Variants in CHCHD3 observed in about 807,000 individuals in gnomAD.
CHCHD3 encodes coiled-coil-helix-coiled-coil-helix domain containing 3, also known as MICOS complex subunit MIC19.
In CHCHD3, 20 loss-of-function variants were observed where a neutral mutation model predicts 38.2. The observed-to-expected ratio is 0.52, with a 90% confidence interval of 0.37 to 0.76. The LOEUF is 0.76. CHCHD3 is among the 30% of genes least tolerant of loss of function. CHCHD3 has a pLI of 0.00. For synonymous variants in CHCHD3, 82 were observed against 100.0 expected, an observed-to-expected ratio of 0.82 and a Z score of 1.07; for missense variants, 245 against 279.2, an observed-to-expected ratio of 0.88 and a Z score of 0.87.
intron 6 of CHCHD3, among the ~76,000 whole-genome samples, chr7:132,827,789 A>G (rs1229348695): frequency 3.3e-5 from 5 of 152,232 alleles, no homozygotes; most frequent in African/African-American, 7.2e-5. Flanking sequence ...ACTGTTTTGC[A>G]TCTGGCTTCT....
chr7:132,948,457 A>G (rs1810952480), intron 4 of CHCHD3, among the ~76,000 whole-genome samples: 1 of 152,126 alleles, frequency 6.6e-6, no homozygotes, highest in Non-Finnish European at 1.5e-5. Flanking sequence ...TATAGTAGAA[A>G]ACGTAACAGC....
chr7:132,915,122 G>C (rs188129629), intron 4 of CHCHD3, among the ~76,000 whole-genome samples: 10 of 150,494 alleles, frequency 6.6e-5, no homozygotes, highest in African/African-American at 2.5e-4. Context: ...CTAGGTGACA[G>C]AGCAGTACTC....
chr7:132,977,031 A>G (rs1224182137), intron 3 of CHCHD3, among the ~76,000 whole-genome samples: 1 of 152,254 alleles, frequency 6.6e-6, no homozygotes, highest in African/African-American at 2.4e-5. Flanking sequence ...CAATAAGCAC[A>G]ATGACACTCA....
At chr7:132,964,213 T>A (rs1447068339) in intron 4 of CHCHD3, among the ~76,000 whole-genome samples, 1 of 152,142 alleles carries the variant, frequency 6.6e-6, no homozygotes, top group African/African-American at 2.4e-5. Context: ...GATTAATGCT[T>A]CTTTATTATT....
intron 6 of CHCHD3, among the ~76,000 whole-genome samples, chr7:132,826,636 G>A (rs1324886472): frequency 3.9e-5 from 6 of 152,176 alleles, no homozygotes; most frequent in African/African-American, 1.2e-4. Context: ...GATGCTTGGC[G>A]ACACTAACAT....
At chr7:132,959,108 T>A (rs1441270112) in intron 4 of CHCHD3, among the ~76,000 whole-genome samples, 3 of 152,156 alleles carry the variant, frequency 2.0e-5, no homozygotes, top group Non-Finnish European at 2.9e-5. Context: ...CCATGCCAAA[T>A]GAGTGAAAAG....
intron 4 of CHCHD3, among the ~76,000 whole-genome samples, chr7:132,940,394 C>A (rs562491326): frequency 6.6e-6 from 1 of 152,242 alleles, no homozygotes; most frequent in South Asian, 2.1e-4. Context: ...TCTATATAAC[C>A]AAGGCCTATC....
chr7:132,942,993 C>G (rs903442222), intron 4 of CHCHD3, among the ~76,000 whole-genome samples: 2 of 151,756 alleles, frequency 1.3e-5, no homozygotes, highest in African/African-American at 4.8e-5. Flanking sequence ...GAACCCAAGC[C>G]AACAATGAGA....
At chr7:132,896,945 AG>A (rs2117194360) in intron 4 of CHCHD3, among the ~76,000 whole-genome samples, 1 of 152,314 alleles carries the variant, frequency 6.6e-6, no homozygotes, top group East Asian at 1.9e-4. Flanking sequence ...TAGAGCAGGA[AG>A]GGGTTTTTAC....
intron 4 of CHCHD3, among the ~76,000 whole-genome samples, chr7:132,927,416 T>C (rs1434269475): frequency 6.6e-6 from 1 of 152,214 alleles, no homozygotes; most frequent in Non-Finnish European, 1.5e-5. Context: ...CAATCTAGCA[T>C]ATCTGTAAAT....
intron 4 of CHCHD3, among the ~76,000 whole-genome samples, chr7:132,957,892 C>A (rs978419834): frequency 6.6e-6 from 1 of 152,214 alleles, no homozygotes; most frequent in Non-Finnish European, 1.5e-5. Context: ...TAAAGAATTA[C>A]TCTGGATGAA....
At chr7:132,841,416 AAAC>A (rs1351705093) in intron 5 of CHCHD3, among the ~76,000 whole-genome samples, 4 of 138,994 alleles carry the variant, frequency 2.9e-5, no homozygotes, top group East Asian at 2.0e-4. Flanking sequence ...AAAAAAAAAC[AAAC>A]AACAACAACA....
chr7:132,840,457 T>C (rs1807912652), intron 5 of CHCHD3, among the ~76,000 whole-genome samples: 1 of 152,240 alleles, frequency 6.6e-6, no homozygotes, highest in African/African-American at 2.4e-5. Context: ...AACTGTAATA[T>C]CTGGAGAGAG....
chr7:132,952,689 T>C (rs992138449), intron 4 of CHCHD3, among the ~76,000 whole-genome samples: 6 of 152,236 alleles, frequency 3.9e-5, no homozygotes, highest in African/African-American at 1.2e-4. Context: ...AAAAGTGTTA[T>C]AGTATTGTAG....
At chr7:132,950,462 G>A (rs1298776755) in intron 4 of CHCHD3, among the ~76,000 whole-genome samples, 1 of 152,082 alleles carries the variant, frequency 6.6e-6, no homozygotes, top group Non-Finnish European at 1.5e-5. Flanking sequence ...ACCAGTACTA[G>A]TAAAAATGGC....
At chr7:132,915,151 A>AG (rs1352507983) in intron 4 of CHCHD3, among the ~76,000 whole-genome samples, 2 of 151,734 alleles carry the variant, frequency 1.3e-5, no homozygotes, top group East Asian at 3.9e-4. Flanking sequence ...AAAAAAAAAA[A>AG]CCAAATCAAC....
At chr7:132,956,235 T>C (rs929143238) in intron 4 of CHCHD3, among the ~76,000 whole-genome samples, 4 of 152,234 alleles carry the variant, frequency 2.6e-5, no homozygotes, top group African/African-American at 7.2e-5. Flanking sequence ...AACAATCACA[T>C]AAGCCAATTT....
intron 5 of CHCHD3, among the ~76,000 whole-genome samples, chr7:132,853,419 G>A (rs1193651409): frequency 6.6e-6 from 1 of 152,044 alleles, no homozygotes; most frequent in African/African-American, 2.4e-5. Context: ...TCAGGAGTTC[G>A]AGACCATCCT....
chr7:132,799,007 CTGTG>C (rs58508838), intron 6 of CHCHD3, among the ~76,000 whole-genome samples: 7,210 of 145,434 alleles, frequency 0.05, 204 homozygotes, highest in African/African-American at 0.065. Context: ...GTGATCTGTT[CTGTG>C]TGTGTGTGTG....
Sources: allele counts gnomAD v4.1 joint callset (sites outside exome capture counted in the v4.1 genomes callset), GRCh38; gene constraint gnomAD v4.1.1; transcripts MANE v1.5; gene names NCBI Gene and HGNC (gene_info 2026-07-23, HGNC 2026-07-21).